The following KCNQ1 variants were observed in gnomAD, a reference collection of about 807,000 sequenced individuals.
KCNQ1 encodes the protein potassium voltage-gated channel subfamily KQT member 1.
A neutral mutation model predicts 72.4 loss-of-function variants in KCNQ1; 49 were observed. The ratio of observed to expected loss-of-function variants is 0.68; its 90% CI spans 0.54 to 0.86. KCNQ1 has a LOEUF of 0.86. Among genes scored for constraint, KCNQ1 ranks in the 40% least tolerant of loss-of-function variants. The pLI, the probability that KCNQ1 is intolerant of heterozygous loss-of-function variation, is 0.00. For missense variants in KCNQ1, 790 were observed against 945.1 expected (o/e 0.84, Z 2.15); for synonymous variants, 450 against 412.6 (o/e 1.09, Z -1.10).
chr11:2,779,761 C>T (rs567919136), intron 15 of KCNQ1, among the ~76,000 whole-genome samples: 3 of 152,330 alleles, frequency 2.0e-5, no homozygotes, highest in South Asian at 2.1e-4. Flanking sequence ...GCACAGCAGC[C>T]GTCCAGCAGC....
intron 11 of KCNQ1, chr11:2,699,458 C>T: frequency 7.5e-6 from 3 of 400,146 alleles, no homozygotes; most frequent in Non-Finnish European, 1.3e-5. Context: ...GAGGAGCCGC[C>T]GGGAGAGTGC....
Position 2,695,031 on chromosome 11 carries a change from G to C in KCNQ1, c.1514+32950G>C. On this transcript the variant is annotated intron_variant, in intron 11 of 15. Coordinates refer to ENST00000155840, the MANE Select transcript of KCNQ1 (RefSeq NM_000218.3). The surrounding 1 kb of genome is among the most constrained non-coding windows in gnomAD (Gnocchi z 5.2). The stretch of plus-strand genomic sequence containing the variant: ...GGGAGGACAGTGGTCAGAGAGGTAA[G>C]CAGGGCAGATCTTGTAAAAACCTGA... The C allele has an allele frequency of 2.5e-6, 1 of 398,672 alleles. No homozygotes were observed. Among genetic ancestry groups the C allele is most frequent in the East Asian group, 3.6e-5 (1 of 28,076 alleles). The allele number at this position is 398,672 out of a possible 1,614,324, so 24.7% of individuals were successfully genotyped here. A position where few individuals can be genotyped will look rare whatever the true frequency, so the allele number is the denominator to read the frequency against.
intron 11 of KCNQ1, chr11:2,662,657 G>A (rs749649055): frequency 8.6e-5 from 35 of 406,570 alleles, no homozygotes; most frequent in Admixed American, 3.7e-4. Context: ...ATTCCCCTGC[G>A]ACATGTGACT....
At position 2,623,958 on chromosome 11, in the gene KCNQ1, CCACCAGGGCTG is replaced by C. The variant is rs1435826240; in HGVS notation, c.1393+35110_1393+35120del. 3.0e-5 allele frequency: 12 copies of C among 398,538 alleles called. No homozygotes were observed. Among genetic ancestry groups the C allele is most frequent in the African/African-American group, 6.2e-5 (3 of 48,628 alleles). The allele number at this position is 398,538 out of a possible 1,614,324, so 24.7% of individuals were successfully genotyped here. On this transcript the variant is annotated intron_variant, in intron 10 of 15. Transcript: ENST00000155840. This position sits in a 1 kb window ranked among gnomAD's most constrained non-coding sequence, Gnocchi z 5.2. Reference sequence around the variant, plus strand: ...CTTTGAAGAACCACCAAACTCTTCTCCACCAGGGCTGCACCACTTTACATTCCCATTAATGG... The same window carrying C: ...CTTTGAAGAACCACCAAACTCTTCTCCACCACTTTACATTCCCATTAATGG...
intron 11 of KCNQ1, among the ~76,000 whole-genome samples, chr11:2,737,291 A>C (rs1845973915): frequency 6.6e-6 from 1 of 152,130 alleles, no homozygotes; most frequent in African/African-American, 2.4e-5. Context: ...AGCCCCGGGC[A>C]GCTGCTGCCG....
rs1850438658 is a variant in KCNQ1 at position 2,683,755 on chromosome 11, T to A, written c.1514+21674T>A. On this transcript the variant is annotated intron_variant, in intron 11 of 15. Coordinates refer to ENST00000155840, the MANE Select transcript of KCNQ1 (RefSeq NM_000218.3). This position sits in a 1 kb window ranked among gnomAD's most constrained non-coding sequence, Gnocchi z 4.7. ...AGCTTTAGCTCTGAGGCAGCCCAGATGACATGGGCCTCTAAGGCTGGCTGC... is the reference window on the plus strand; with the variant it reads ...AGCTTTAGCTCTGAGGCAGCCCAGAAGACATGGGCCTCTAAGGCTGGCTGC... The A allele has an allele frequency of 2.5e-6, 1 of 398,510 alleles. No homozygotes were observed. Among genetic ancestry groups the A allele is most frequent in the African/African-American group, 2.1e-5 (1 of 48,630 alleles). The allele number at this position is 398,510 out of a possible 1,614,324, so 24.7% of individuals were successfully genotyped here. A position where few individuals can be genotyped will look rare whatever the true frequency, so the allele number is the denominator to read the frequency against.
intron 11 of KCNQ1, among the ~76,000 whole-genome samples, chr11:2,754,784 C>T (rs775102670): frequency 3.9e-5 from 6 of 152,118 alleles, no homozygotes; most frequent in East Asian, 1.9e-4. Flanking sequence ...TTTTATAACT[C>T]GGCATAGGGA....
chr11:2,699,094 C>T, intron 11 of KCNQ1: 1 of 398,648 alleles, frequency 2.5e-6, no homozygotes, highest in Non-Finnish European at 4.4e-6. Flanking sequence ...ACTTCCATCC[C>T]AATAGCGCGG....
intron 11 of KCNQ1, among the ~76,000 whole-genome samples, chr11:2,721,042 T>G (rs557546820): frequency 4.9e-4 from 74 of 152,066 alleles, no homozygotes; most frequent in Non-Finnish European, 9.6e-4. Context: ...AGGCCCCAGA[T>G]GCAAGAAAGG....
At chr11:2,709,123 G>A (rs371369643) in intron 11 of KCNQ1, among the ~76,000 whole-genome samples, 3 of 152,200 alleles carry the variant, frequency 2.0e-5, no homozygotes, top group South Asian at 2.1e-4. Context: ...CACAGAATTC[G>A]CTGTAACCCT....
chr11:2,784,183 A>C lies in KCNQ1; in HGVS notation c.1794+6146A>C, dbSNP rs552218841. On this transcript the variant is annotated intron_variant, in intron 15 of 15. Coordinates refer to ENST00000155840, the MANE Select transcript of KCNQ1 (RefSeq NM_000218.3). This position sits in a 1 kb window ranked among gnomAD's most constrained non-coding sequence, Gnocchi z 4.7. ...TACTTTGAGGTAATTTTGGGGTATG[A>C]TATGAAGTAAAGTCTAGATTTGTTT... 1.6e-3 allele frequency among the ~76,000 whole-genome samples: 248 copies of C among 152,018 alleles called. 1 individual carries two copies. The highest frequency in any genetic ancestry group is 5.7e-3 in the African/African-American group (237 of 41,534).
intron 11 of KCNQ1, chr11:2,665,260 C>T: frequency 2.5e-6 from 1 of 398,524 alleles, no homozygotes; most frequent in Non-Finnish European, 4.4e-6. Flanking sequence ...CAGCCTCAAA[C>T]TCCCTGAGCC....
intron 2 of KCNQ1, among the ~76,000 whole-genome samples, chr11:2,546,995 A>C (rs1847910031): frequency 6.6e-6 from 1 of 152,248 alleles, no homozygotes; most frequent in Non-Finnish European, 1.5e-5. Context: ...CTTTAGACTC[A>C]AAACTTGTTT....
intron 11 of KCNQ1, chr11:2,692,221 C>T (rs569261696): frequency 1.8e-5 from 7 of 398,876 alleles, no homozygotes; most frequent in African/African-American, 1.2e-4. Flanking sequence ...CGCTTCCTCA[C>T]CACCTGCCCA....
Position 2,695,110 on chromosome 11 carries a change from G to A in KCNQ1, c.1514+33029G>A. Reference sequence around the variant, plus strand: ...AGAAGCCACTAGAGGGTATCTGGCAGGAGAGTCATGGAGGCACATTCATTC... The same window carrying A: ...AGAAGCCACTAGAGGGTATCTGGCAAGAGAGTCATGGAGGCACATTCATTC... On this transcript the variant is annotated intron_variant, in intron 11 of 15. Coordinates refer to ENST00000155840, the MANE Select transcript of KCNQ1 (RefSeq NM_000218.3). This position sits in a 1 kb window ranked among gnomAD's most constrained non-coding sequence, Gnocchi z 5.2. The A allele has an allele frequency of 5.0e-6, 2 of 398,660 alleles. No homozygotes were observed. The highest frequency in any genetic ancestry group is 8.8e-6 in the Non-Finnish European group (2 of 226,100). 24.7% of individuals were successfully genotyped at this position (398,660 alleles called of 1,614,324 possible).
At chr11:2,467,716 G>GCC (rs1168954276) in intron 1 of KCNQ1, among the ~76,000 whole-genome samples, 2 of 152,216 alleles carry the variant, frequency 1.3e-5, no homozygotes, top group African/African-American at 4.8e-5. Context: ...GGGCACACGG[G>GCC]CCCAGTGCAC....
intron 15 of KCNQ1, among the ~76,000 whole-genome samples, chr11:2,797,013 C>T (rs746223838): frequency 3.3e-5 from 5 of 152,228 alleles, no homozygotes; most frequent in Non-Finnish European, 7.3e-5. Flanking sequence ...GATTTTACAA[C>T]GTATGGGCTG....
In KCNQ1 at chr11:2,464,187, C is replaced by T. The variant is rs1046961872; in HGVS notation, c.386+18703C>T. ...AGCTGTACGCAGTGGGCCGCAGGCG[C>T]TCCCTGGGCCGGAACACATGGACGT... On this transcript the variant is annotated intron_variant, in intron 1 of 15. Transcript: ENST00000155840. The surrounding 1 kb of genome is among the most constrained non-coding windows in gnomAD (Gnocchi z 5.0). 1.3e-5 allele frequency among the ~76,000 whole-genome samples: 2 copies of T among 152,182 alleles called. No homozygotes were observed. The highest frequency in any genetic ancestry group is 4.8e-5 in the African/African-American group (2 of 41,446).
Position 2,585,194 on chromosome 11 carries a change from C to T in KCNQ1, c.1033-18C>T, listed in dbSNP as rs1848574326. 3 of 1,611,062 alleles carry T rather than the reference C, an allele frequency of 1.9e-6. No individual in the cohort carries two copies. Among genetic ancestry groups the T allele is most frequent in the African/African-American group, 1.3e-5 (1 of 75,018 alleles). ...AGTGGCCTGTGTGGACGGGAGCCTC[C>T]TGTCCATTCCTTCCCAGGGGATTCT... On this transcript the variant is annotated intron_variant, in intron 7 of 15. Transcript: ENST00000155840.
Sources: gnomAD v4.1 joint callset for allele counts (sites outside exome capture counted in the v4.1 genomes callset) on GRCh38, gnomAD v4.1.1 for gene constraint, Gnocchi (gnomAD v3.1) non-coding constraint, MANE v1.5 for transcripts, NCBI Gene and HGNC (gene_info 2026-07-23, HGNC 2026-07-21) for gene names.